Variants in CTNND2 observed in about 807,000 individuals in gnomAD.
The protein encoded by CTNND2 is catenin delta 2, also known as catenin delta-2.
Under a neutral mutation model 144.4 loss-of-function variants are expected in CTNND2, and 22 were observed. The ratio of observed to expected loss-of-function variants is 0.15; its 90% CI spans 0.11 to 0.22. The LOEUF is 0.22. Among genes scored for constraint, CTNND2 ranks in the 10% least tolerant of loss-of-function variants. CTNND2 has a pLI of 1.00. For synonymous variants in CTNND2, 751 were observed against 695.6 expected (o/e 1.08, Z -1.25); for missense variants, 1,353 against 1,618.8 (o/e 0.84, Z 2.82).
chr5:11,646,234 C>A (rs1782340604), intron 2 of CTNND2, among the ~76,000 whole-genome samples: 1 of 152,128 alleles, frequency 6.6e-6, no homozygotes, highest in South Asian at 2.1e-4. Context: ...TATGTTCCAG[C>A]TGCTGTGCTT....
chr5:11,319,833 C>T (rs988441423), intron 9 of CTNND2, among the ~76,000 whole-genome samples: 2 of 151,250 alleles, frequency 1.3e-5, no homozygotes, highest in African/African-American at 4.9e-5. Flanking sequence ...AAGAAGTCTA[C>T]AGTTATCTGT....
chr5:11,400,670 A>G (rs1329239424), intron 5 of CTNND2, among the ~76,000 whole-genome samples: 1 of 152,236 alleles, frequency 6.6e-6, no homozygotes, highest in African/African-American at 2.4e-5. Context: ...TAATCCTAAG[A>G]AGATACATGA....
At chr5:11,895,777 T>C (rs1203280440) in intron 1 of CTNND2, among the ~76,000 whole-genome samples, 4 of 151,972 alleles carry the variant, frequency 2.6e-5, no homozygotes, top group Non-Finnish European at 5.9e-5. Context: ...AATAGATAAA[T>C]TGAGAAATGT....
intron 2 of CTNND2, among the ~76,000 whole-genome samples, chr5:11,574,182 T>A (rs552048276): frequency 3.4e-4 from 51 of 152,226 alleles, no homozygotes; most frequent in African/African-American, 1.2e-3. Flanking sequence ...CATATCTGCT[T>A]GGGGATGACT....
chr5:10,998,434 G>A (rs949076246), intron 18 of CTNND2, among the ~76,000 whole-genome samples: 4 of 152,136 alleles, frequency 2.6e-5, no homozygotes, highest in African/African-American at 9.7e-5. Flanking sequence ...GCCCCAGGAG[G>A]AACAGAATAC....
intron 9 of CTNND2, among the ~76,000 whole-genome samples, chr5:11,318,988 C>T (rs1393662683): frequency 6.6e-6 from 1 of 151,910 alleles, no homozygotes; most frequent in Non-Finnish European, 1.5e-5. Flanking sequence ...CTGTTTTAAG[C>T]ATGCTGTATA....
chr5:10,987,376 C>CAGA (rs1032837261), intron 20 of CTNND2, among the ~76,000 whole-genome samples: 12 of 152,124 alleles, frequency 7.9e-5, no homozygotes, highest in African/African-American at 2.9e-4. Context: ...GTGGAGGGGG[C>CAGA]AGAGACAGAT....
At position 11,571,041 on chromosome 5, in the gene CTNND2, T is replaced by C. The variant is rs150357056; in HGVS notation, c.175-5985A>G. On this transcript the variant is annotated intron_variant, in intron 2 of 21. Coordinates refer to ENST00000304623, the MANE Select transcript of CTNND2 (RefSeq NM_001332.4). ...TTGCTATTATTATGCTTTTAATTTC[T>C]CGGAGCTAGTTTTTATTCTCTGAAT... Among the ~76,000 whole-genome samples the C allele has an allele frequency of 2.0e-3, 302 of 152,346 alleles. 2 individuals carry two copies. The highest frequency in any genetic ancestry group is 6.7e-3 in the African/African-American group (277 of 41,582).
chr5:11,464,427 G>A (rs1242279405), intron 3 of CTNND2, among the ~76,000 whole-genome samples: 1 of 152,128 alleles, frequency 6.6e-6, no homozygotes, highest in Non-Finnish European at 1.5e-5. Flanking sequence ...GGGAGAAAGT[G>A]CCCAAGGTTA....
At chr5:11,108,277 G>A (rs187451356) in intron 14 of CTNND2, among the ~76,000 whole-genome samples, 1 of 152,234 alleles carries the variant, frequency 6.6e-6, no homozygotes, top group African/African-American at 2.4e-5. Flanking sequence ...GAAAGAGTGC[G>A]GGCAAGAAGC....
intron 2 of CTNND2, among the ~76,000 whole-genome samples, chr5:11,658,243 T>A (rs1286971631): frequency 6.6e-6 from 1 of 151,976 alleles, no homozygotes; most frequent in African/African-American, 2.4e-5. Flanking sequence ...CTTGTATGCA[T>A]GTGTGTGTGT....
intron 9 of CTNND2, among the ~76,000 whole-genome samples, chr5:11,338,440 C>T (rs888857413): frequency 6.6e-5 from 10 of 152,182 alleles, no homozygotes; most frequent in Non-Finnish European, 1.5e-4. Flanking sequence ...GTCTGTTTTA[C>T]TGATAGCACA....
At chr5:11,788,785 C>T (rs1236091337) in intron 1 of CTNND2, among the ~76,000 whole-genome samples, 2 of 151,634 alleles carry the variant, frequency 1.3e-5, no homozygotes, top group African/African-American at 2.4e-5. Flanking sequence ...CTCATTAACT[C>T]GTCATTTACA....
At chr5:11,188,339 A>C (rs761770795) in intron 11 of CTNND2, among the ~76,000 whole-genome samples, 2 of 152,224 alleles carry the variant, frequency 1.3e-5, no homozygotes, top group Non-Finnish European at 2.9e-5. Flanking sequence ...TATCCTCAGC[A>C]AACTAACACA....
chr5:11,072,677 C>T (rs919677940), intron 16 of CTNND2, among the ~76,000 whole-genome samples: 4 of 152,232 alleles, frequency 2.6e-5, no homozygotes, highest in South Asian at 2.1e-4. Context: ...ATGAACAACA[C>T]GAGCTTTTTT....
chr5:11,069,489 A>T lies in CTNND2; in HGVS notation c.2788+13207T>A, dbSNP rs190511573. On this transcript the variant is annotated intron_variant, in intron 16 of 21. Coordinates refer to ENST00000304623, the MANE Select transcript of CTNND2 (RefSeq NM_001332.4). ...TGTTATCCGTAGGGACAGAGGAGAGAGTGTCCAACTGGAAAGGAGGCTGTG... is the reference window on the plus strand; with the variant it reads ...TGTTATCCGTAGGGACAGAGGAGAGTGTGTCCAACTGGAAAGGAGGCTGTG... Among the ~76,000 whole-genome samples the T allele has an allele frequency of 4.2e-4, 64 of 152,322 alleles. 1 individual carries two copies. The highest frequency in any genetic ancestry group is 3.4e-3 in the Middle Eastern group (1 of 294).
intron 3 of CTNND2, among the ~76,000 whole-genome samples, chr5:11,497,410 G>T (rs562209781): frequency 6.6e-6 from 1 of 150,748 alleles, no homozygotes; most frequent in South Asian, 2.1e-4. Flanking sequence ...AGCACAGAGG[G>T]GGCTATGTTA....
chr5:11,531,197 A>T (rs971842700), intron 3 of CTNND2, among the ~76,000 whole-genome samples: 25 of 152,194 alleles, frequency 1.6e-4, no homozygotes, highest in Non-Finnish European at 5.9e-5. Flanking sequence ...GGAACATGGG[A>T]ATAGTACCAT....
chr5:11,704,283 C>T (rs1015826770), intron 2 of CTNND2, among the ~76,000 whole-genome samples: 2 of 152,230 alleles, frequency 1.3e-5, no homozygotes, highest in African/African-American at 4.8e-5. Context: ...GGCTGACATT[C>T]ACTACAGGAA....
Sources: allele counts gnomAD v4.1 joint callset (sites outside exome capture counted in the v4.1 genomes callset), GRCh38; gene constraint gnomAD v4.1.1; transcripts MANE v1.5; gene names NCBI Gene and HGNC (gene_info 2026-07-23, HGNC 2026-07-21).